The following ZZEF1 variants were observed in gnomAD, a reference collection of about 807,000 sequenced individuals.
ZZEF1 encodes zinc finger ZZ-type and EF-hand domain-containing protein 1.
Under a neutral mutation model 342.8 loss-of-function variants are expected in ZZEF1, and 157 were observed. The observed-to-expected ratio is 0.46, with a 90% CI of 0.40 to 0.52. The LOEUF (loss-of-function observed/expected upper bound fraction) is 0.52. ZZEF1 is among the 20% of genes least tolerant of loss of function. ZZEF1 has a pLI of 0.00. For synonymous variants in ZZEF1, 1,505 were observed against 1,429.1 expected, an observed-to-expected ratio of 1.05 and a Z score of -1.20; for missense variants, 3,480 against 3,725.6, an observed-to-expected ratio of 0.93 and a Z score of 1.72.
At chr17:4,081,519 C>T in intron 17 of ZZEF1, 29 bp from the exon 18 acceptor site, 2 of 1,559,474 alleles carry the variant, frequency 1.3e-6, no homozygotes, top group Non-Finnish European at 1.8e-6. Context: ...GTCATGACAC[C>T]TGGCTTCAGG....
chr17:4,064,470 A>G lies in ZZEF1; in HGVS notation c.4609T>C (p.Ser1537Pro). 6.2e-7 allele frequency: 1 copy of G among 1,614,174 alleles called. No homozygotes were observed. Among genetic ancestry groups the G allele is most frequent in the Non-Finnish European group, 8.5e-7 (1 of 1,180,026 alleles). ...PFTRGRLRLL[S>P]FRSMEEARLV... ...CTGGCCTCCTCCATGGATCGAAAGGAGAGCAGCCGGAGTCGCCCTCGGGTG... is the reference window on the plus strand; with the variant it reads ...CTGGCCTCCTCCATGGATCGAAAGGGGAGCAGCCGGAGTCGCCCTCGGGTG... The change falls in exon 29 of 55, where the codon TCC becomes CCC. Residue 1537 changes from serine (S) to proline (P), a missense_variant. This residue lies in a region of ZZEF1 where 1,528 missense variants were observed against 1,624.1 expected (regional missense o/e 0.94). Coordinates refer to ENST00000381638, the MANE Select transcript of ZZEF1 (RefSeq NM_015113.4).
chr17:4,040,471 T>G (rs1473923050), intron 39 of ZZEF1, among the ~76,000 whole-genome samples: 4 of 152,086 alleles, frequency 2.6e-5, no homozygotes, highest in South Asian at 2.1e-4. Context: ...TTTGCACACT[T>G]GGGATATGAT....
At chr17:4,019,521 C>T in intron 46 of ZZEF1, 148 bp downstream of exon 46, 1 of 650,438 alleles carries the variant, frequency 1.5e-6, no homozygotes, top group Non-Finnish European at 2.6e-6. Flanking sequence ...AGGCCACCTC[C>T]CACCTCGCCT....
chr17:4,091,346 TTGTC>T (rs2057939066), intron 11 of ZZEF1, among the ~76,000 whole-genome samples: 1 of 152,260 alleles, frequency 6.6e-6, no homozygotes, highest in South Asian at 2.1e-4. Flanking sequence ...CTCAGTATTC[TTGTC>T]TGTTTCTTAA....
intron 34 of ZZEF1, among the ~76,000 whole-genome samples, chr17:4,052,585 G>A (rs1457099621): frequency 6.6e-6 from 1 of 152,158 alleles, no homozygotes; most frequent in Non-Finnish European, 1.5e-5. Flanking sequence ...ATTAAAAAAG[G>A]GCCAGGCGTT....
At chr17:4,137,602 T>G (rs138187943) in intron 1 of ZZEF1, among the ~76,000 whole-genome samples, 6,312 of 152,148 alleles carry the variant, frequency 0.041, 177 homozygotes, top group Non-Finnish European at 0.06. Context: ...ACAGAGACTC[T>G]GTCTCAAAAT....
intron 14 of ZZEF1, among the ~76,000 whole-genome samples, chr17:4,087,127 G>A (rs553651490): frequency 2.0e-5 from 3 of 152,208 alleles, no homozygotes; most frequent in East Asian, 1.9e-4. Context: ...TGATCCACCC[G>A]CCTCAGCCTC....
chr17:4,063,639 G>A (rs1010458397), intron 29 of ZZEF1, among the ~76,000 whole-genome samples: 2 of 151,930 alleles, frequency 1.3e-5, no homozygotes, highest in East Asian at 3.8e-4. Flanking sequence ...TTGACTTACT[G>A]TAGCCTCAAC....
intron 39 of ZZEF1, among the ~76,000 whole-genome samples, chr17:4,042,223 C>T (rs1192053577): frequency 6.6e-6 from 1 of 151,406 alleles, no homozygotes; most frequent in Non-Finnish European, 1.5e-5. Flanking sequence ...TCATTATAAG[C>T]ATTATATATA....
chr17:4,055,764 C>T (rs1597822645), intron 33 of ZZEF1, among the ~76,000 whole-genome samples: 1 of 152,180 alleles, frequency 6.6e-6, no homozygotes, highest in African/African-American at 2.4e-5. Context: ...GATTTATAGC[C>T]CCTCAGGTTA....
At chr17:4,105,636 C>T in intron 7 of ZZEF1, 57 bp downstream of exon 7, 1 of 1,267,816 alleles carries the variant, frequency 7.9e-7, no homozygotes, top group Non-Finnish European at 1.1e-6. Context: ...AAAGACTTAA[C>T]AAGCATACGT....
rs187670417 is a variant in ZZEF1 at position 4,068,689 on chromosome 17, C to G, written c.4076-1447G>C. On this transcript the variant is annotated intron_variant, in intron 26 of 54. Coordinates refer to ENST00000381638, the MANE Select transcript of ZZEF1 (RefSeq NM_015113.4). Reference sequence around the variant, plus strand: ...TAGAACAGCATGAAGCTCTCTTTTGCATCTATGTTACAATGCAGTAAGTAA... The same window carrying G: ...TAGAACAGCATGAAGCTCTCTTTTGGATCTATGTTACAATGCAGTAAGTAA... 2.5e-3 allele frequency among the ~76,000 whole-genome samples: 381 copies of G among 152,268 alleles called. 2 individuals carry two copies. The highest frequency in any genetic ancestry group is 8.6e-3 in the African/African-American group (358 of 41,534).
chr17:4,137,168 C>T (rs2058761820), intron 1 of ZZEF1, among the ~76,000 whole-genome samples: 1 of 152,122 alleles, frequency 6.6e-6, no homozygotes, highest in African/African-American at 2.4e-5. Context: ...CAAGGCAGTA[C>T]CATGGTGAGG....
chr17:4,062,682 A>AC (rs2057309523), intron 30 of ZZEF1, 71 bp downstream of exon 30: 1 of 1,444,200 alleles, frequency 6.9e-7, no homozygotes, highest in Non-Finnish European at 9.2e-7. Flanking sequence ...GCTATTAATC[A>AC]GAGAAGATAA....
chr17:4,074,829 C>T lies in ZZEF1; in HGVS notation c.3483+268G>A, dbSNP rs79446966. On this transcript the variant is annotated intron_variant, in intron 23 of 54. Coordinates refer to ENST00000381638, the MANE Select transcript of ZZEF1 (RefSeq NM_015113.4). Reference sequence around the variant, plus strand: ...AAGGCTCTTCATTTACTCTAGACAACGCTGTCTGCTGCAACTACTCAACTC... The same window carrying T: ...AAGGCTCTTCATTTACTCTAGACAATGCTGTCTGCTGCAACTACTCAACTC... Among the ~76,000 whole-genome samples, 787 of 152,382 alleles carry T rather than the reference C, an allele frequency of 5.2e-3. 7 individuals carry two copies. Among genetic ancestry groups the T allele is most frequent in the African/African-American group, 0.018 (746 of 41,594 alleles).
intron 1 of ZZEF1, among the ~76,000 whole-genome samples, chr17:4,132,707 CTG>C (rs2058683492): frequency 9.2e-6 from 1 of 108,584 alleles, no homozygotes; most frequent in East Asian, 4.1e-4. Flanking sequence ...TGGCGGGCGC[CTG>C]TAATCCCAGC....
chr17:4,101,720 G>A (rs1030905589), intron 9 of ZZEF1, among the ~76,000 whole-genome samples: 8 of 152,018 alleles, frequency 5.3e-5, no homozygotes, highest in Admixed American at 2.0e-4. Context: ...TCAACCTCCC[G>A]GGTTCAAGTG....
chr17:4,056,463 G>T (rs748077815), intron 32 of ZZEF1, 118 bp from the exon 33 acceptor site: 65 of 1,090,470 alleles, frequency 6.0e-5, no homozygotes, highest in Non-Finnish European at 7.6e-5. Context: ...ACTTCTGAGA[G>T]GGAAAGGTCA....
chr17:4,056,619 A>T (rs1022984148), intron 32 of ZZEF1: 2 of 198,798 alleles, frequency 1.0e-5, no homozygotes, highest in Non-Finnish European at 2.0e-5. Context: ...CCACTGGACA[A>T]TCATTTATGG....
Sources: gnomAD v4.1 joint callset for allele counts (sites outside exome capture counted in the v4.1 genomes callset) on GRCh38, gnomAD v4.1.1 for gene constraint, gnomAD v4.1.1 regional missense constraint, MANE v1.5 for transcripts, NCBI Gene and HGNC (gene_info 2026-07-23, HGNC 2026-07-21) for gene names.